The following DOK6 variants were observed in gnomAD, a reference collection of about 807,000 sequenced individuals.
DOK6 encodes the protein docking protein 6.
In DOK6, 22 loss-of-function variants were observed where a neutral mutation model predicts 44.0. The observed-to-expected ratio is 0.50, with a 90% CI of 0.36 to 0.71. The LOEUF is 0.71. Among genes scored for constraint, DOK6 ranks in the 30% least tolerant of loss-of-function variants. DOK6 has a pLI of 0.00. For synonymous variants in DOK6, 166 were observed against 145.5 expected, an observed-to-expected ratio of 1.14 and a Z score of -1.01; for missense variants, 340 against 416.4, an observed-to-expected ratio of 0.82 and a Z score of 1.60.
intron 5 of DOK6, among the ~76,000 whole-genome samples, chr18:69,701,570 T>G (rs1293709764): frequency 6.6e-6 from 1 of 152,228 alleles, no homozygotes; most frequent in Non-Finnish European, 1.5e-5. Flanking sequence ...TGAGTGAAAA[T>G]GCCTGCATGG....
At chr18:69,780,762 T>C (rs568262865) in intron 7 of DOK6, among the ~76,000 whole-genome samples, 1 of 152,344 alleles carries the variant, frequency 6.6e-6, no homozygotes, top group South Asian at 2.1e-4. Flanking sequence ...ATTGAAACCT[T>C]GGTATTGGCA....
At chr18:69,790,365 G>A (rs968669061) in intron 7 of DOK6, among the ~76,000 whole-genome samples, 1 of 152,028 alleles carries the variant, frequency 6.6e-6, no homozygotes, top group Non-Finnish European at 1.5e-5. Flanking sequence ...AAACCACCAT[G>A]GCACGTGTAT....
At chr18:69,569,703 A>C (rs1206912799) in intron 2 of DOK6, among the ~76,000 whole-genome samples, 1 of 152,230 alleles carries the variant, frequency 6.6e-6, no homozygotes, top group Non-Finnish European at 1.5e-5. Flanking sequence ...CAGAAAAACA[A>C]AAATTATTTT....
At chr18:69,712,577 G>A (rs1374430362) in intron 5 of DOK6, among the ~76,000 whole-genome samples, 6 of 152,142 alleles carry the variant, frequency 3.9e-5, no homozygotes. Flanking sequence ...TGGCAAGGTG[G>A]CTCATGCCTG....
intron 3 of DOK6, among the ~76,000 whole-genome samples, chr18:69,650,640 G>A (rs562032937): frequency 2.0e-5 from 3 of 152,294 alleles, no homozygotes; most frequent in African/African-American, 7.2e-5. Flanking sequence ...TGTTCAACGG[G>A]TGTAAAGCTT....
chr18:69,431,405 A>G (rs1333195361), intron 1 of DOK6, among the ~76,000 whole-genome samples: 1 of 152,194 alleles, frequency 6.6e-6, no homozygotes, highest in Non-Finnish European at 1.5e-5. Context: ...ACTCTAGGCA[A>G]GAGTGGGAGG....
At chr18:69,731,893 G>A (rs1039441075) in intron 5 of DOK6, among the ~76,000 whole-genome samples, 18 of 152,152 alleles carry the variant, frequency 1.2e-4, no homozygotes, top group Non-Finnish European at 2.6e-4. Flanking sequence ...ACAAAAATAG[G>A]TGTGAGTATA....
chr18:69,815,266 G>A (rs1213143147), intron 7 of DOK6, among the ~76,000 whole-genome samples: 1 of 152,072 alleles, frequency 6.6e-6, no homozygotes, highest in East Asian at 1.9e-4. Flanking sequence ...GATACTTCAG[G>A]GCTGACATAG....
At chr18:69,650,208 G>T (rs957052139) in intron 3 of DOK6, among the ~76,000 whole-genome samples, 1 of 152,080 alleles carries the variant, frequency 6.6e-6, no homozygotes, top group East Asian at 1.9e-4. Flanking sequence ...AAAAAAAAAC[G>T]TGGTTGGTTG....
intron 2 of DOK6, among the ~76,000 whole-genome samples, chr18:69,593,752 A>G (rs1983675125): frequency 6.6e-6 from 1 of 152,190 alleles, no homozygotes; most frequent in Non-Finnish European, 1.5e-5. Context: ...ATCTGTTCTA[A>G]TATTCTTTTA....
intron 7 of DOK6, among the ~76,000 whole-genome samples, chr18:69,835,554 C>T (rs1042896917): frequency 6.6e-6 from 1 of 152,150 alleles, no homozygotes; most frequent in African/African-American, 2.4e-5. Flanking sequence ...AAAGGGCTCT[C>T]TTCTGTACCC....
chr18:69,535,155 A>C (rs1223083282), intron 1 of DOK6, among the ~76,000 whole-genome samples: 1 of 152,092 alleles, frequency 6.6e-6, no homozygotes, highest in Non-Finnish European at 1.5e-5. Flanking sequence ...TATGAGGGGA[A>C]CGAATGTGAA....
chr18:69,531,755 TG>T (rs1267895273), intron 1 of DOK6, among the ~76,000 whole-genome samples: 25 of 152,190 alleles, frequency 1.6e-4, no homozygotes, highest in Non-Finnish European at 4.4e-5. Context: ...TCATTCCCAG[TG>T]AAATATTGCC....
chr18:69,439,832 G>A (rs355984), intron 1 of DOK6, among the ~76,000 whole-genome samples: 10,449 of 152,262 alleles, frequency 0.069, 383 homozygotes, highest in Middle Eastern at 0.13. Context: ...TATGATTCAT[G>A]TGTTCACTGT....
At chr18:69,481,283 T>C (rs1314730887) in intron 1 of DOK6, among the ~76,000 whole-genome samples, 1 of 152,140 alleles carries the variant, frequency 6.6e-6, no homozygotes, top group Non-Finnish European at 1.5e-5. Flanking sequence ...TGCAGGTTTG[T>C]TACATATATA....
chr18:69,408,555 A>C (rs1978293449), intron 1 of DOK6, among the ~76,000 whole-genome samples: 1 of 152,172 alleles, frequency 6.6e-6, no homozygotes, highest in African/African-American at 2.4e-5. Context: ...TTATTTATGG[A>C]AGATGATATT....
intron 7 of DOK6, among the ~76,000 whole-genome samples, chr18:69,819,142 CTT>C (rs548838556): frequency 6.6e-6 from 1 of 152,258 alleles, no homozygotes; most frequent in East Asian, 1.9e-4. Flanking sequence ...AGAGTAAACT[CTT>C]TTTCTATTGT....
chr18:69,719,415 A>G (rs990257991), intron 5 of DOK6, among the ~76,000 whole-genome samples: 3 of 152,104 alleles, frequency 2.0e-5, no homozygotes, highest in Non-Finnish European at 4.4e-5. Context: ...TACATCAAAG[A>G]CTTAGGTTTT....
At position 69,613,385 on chromosome 18, in the gene DOK6, T is replaced by C. The variant is rs533328348; in HGVS notation, c.289+13887T>C. On this transcript the variant is annotated intron_variant, in intron 3 of 7. Transcript: ENST00000382713. ...CTGTTCATTAAAAGGAGAGCCCTTCTTTCTTTTACTGAGTATGTCCCAGTC... is the reference window on the plus strand; with the variant it reads ...CTGTTCATTAAAAGGAGAGCCCTTCCTTCTTTTACTGAGTATGTCCCAGTC... Among the ~76,000 whole-genome samples the C allele has an allele frequency of 3.9e-5, 6 of 152,314 alleles. No individual in the cohort carries two copies. The South Asian group carries it at 1.2e-3, about 32-fold the overall frequency.
Sources: allele counts gnomAD v4.1 joint callset (sites outside exome capture counted in the v4.1 genomes callset), GRCh38; gene constraint gnomAD v4.1.1; transcripts MANE v1.5; gene names NCBI Gene and HGNC (gene_info 2026-07-23, HGNC 2026-07-21).